Variants in VPS13B observed in about 807,000 individuals in gnomAD.
VPS13B encodes the protein vacuolar protein sorting 13 homolog B, also known as intermembrane lipid transfer protein VPS13B.
In VPS13B, 285 loss-of-function variants were observed where a neutral mutation model predicts 426.4. The observed-to-expected ratio is 0.67, with a 90% CI of 0.61 to 0.74. VPS13B has a LOEUF of 0.74. Among genes scored for constraint, VPS13B ranks in the 30% least tolerant of loss-of-function variants. The pLI is 0.00. For synonymous variants in VPS13B, 1,676 were observed against 1,676.4 expected, an observed-to-expected ratio of 1.00 and a Z score of 0.01; for missense variants, 4,537 against 4,782.6, an observed-to-expected ratio of 0.95 and a Z score of 1.51.
Position 99,680,856 on chromosome 8 carries a change from T to C in VPS13B, c.6047-18669T>C, listed in dbSNP as rs1038949256. Among the ~76,000 whole-genome samples the C allele has an allele frequency of 7.9e-5, 12 of 152,258 alleles. 2 individuals carry two copies. Among genetic ancestry groups the C allele is most frequent in the Admixed American group, 6.5e-4 (10 of 15,292 alleles). Reference sequence around the variant, plus strand: ...CCTGTAAAACATTATTCTTTATAGCTCCCCCTGTGTCTCTGTTGAATAAAA... The same window carrying C: ...CCTGTAAAACATTATTCTTTATAGCCCCCCCTGTGTCTCTGTTGAATAAAA... On this transcript the variant is annotated intron_variant, in intron 35 of 61. Transcript: ENST00000357162.
At chr8:99,216,126 T>G (rs531934713) in intron 17 of VPS13B, among the ~76,000 whole-genome samples, 55 of 152,310 alleles carry the variant, frequency 3.6e-4, no homozygotes, top group African/African-American at 1.3e-3. Flanking sequence ...GCTAAGATTT[T>G]TTTCAAGTCT....
At chr8:99,202,193 G>T (rs568080990) in intron 17 of VPS13B, among the ~76,000 whole-genome samples, 1 of 152,280 alleles carries the variant, frequency 6.6e-6, no homozygotes, top group Non-Finnish European at 1.5e-5. Flanking sequence ...AATTCAAAGA[G>T]TAAGCCAAGA....
At chr8:99,236,222 G>T (rs1242691527) in intron 17 of VPS13B, among the ~76,000 whole-genome samples, 4 of 151,544 alleles carry the variant, frequency 2.6e-5, no homozygotes, top group African/African-American at 9.7e-5. Flanking sequence ...AATGATAGGT[G>T]TAACATCTAG....
At chr8:99,416,610 T>A (rs989012192) in intron 21 of VPS13B, among the ~76,000 whole-genome samples, 5 of 152,192 alleles carry the variant, frequency 3.3e-5, no homozygotes, top group African/African-American at 1.2e-4. Flanking sequence ...GCATAGTATC[T>A]GGGTCAGAGT....
At chr8:99,052,040 T>C (rs979450479) in intron 3 of VPS13B, among the ~76,000 whole-genome samples, 9 of 151,520 alleles carry the variant, frequency 5.9e-5, no homozygotes, top group African/African-American at 2.2e-4. Context: ...CCTGCCTGAT[T>C]GCCCTGGCCA....
At chr8:99,296,726 G>C (rs538508086) in intron 19 of VPS13B, among the ~76,000 whole-genome samples, 4 of 152,096 alleles carry the variant, frequency 2.6e-5, no homozygotes, top group African/African-American at 9.7e-5. Flanking sequence ...AATGGAATTA[G>C]TGACCTTATA....
chr8:99,577,371 A>G (rs1825826131), intron 32 of VPS13B, 119 bp from the exon 33 acceptor site: 8 of 1,390,068 alleles, frequency 5.8e-6, no homozygotes, highest in Non-Finnish European at 8.1e-6. Context: ...TCCTTAATGT[A>G]TGAACTTGAG....
At chr8:99,429,171 C>T (rs1011664602) in intron 21 of VPS13B, among the ~76,000 whole-genome samples, 1 of 151,756 alleles carries the variant, frequency 6.6e-6, no homozygotes, top group African/African-American at 2.4e-5. Context: ...TGGAGATATA[C>T]CTAATGTTAA....
At chr8:99,404,970 T>A (rs1181126948) in intron 21 of VPS13B, among the ~76,000 whole-genome samples, 2 of 152,246 alleles carry the variant, frequency 1.3e-5, no homozygotes, top group Non-Finnish European at 2.9e-5. Context: ...ACTTCAAGCA[T>A]GGTGAAGCTT....
chr8:99,741,384 A>G (rs1809715578), intron 39 of VPS13B, among the ~76,000 whole-genome samples: 1 of 152,216 alleles, frequency 6.6e-6, no homozygotes, highest in Non-Finnish European at 1.5e-5. Flanking sequence ...GGGAGACTTT[A>G]ACACCCCACT....
At chr8:99,106,082 TA>T (rs977925511) in intron 5 of VPS13B, among the ~76,000 whole-genome samples, 9 of 152,218 alleles carry the variant, frequency 5.9e-5, no homozygotes, top group Middle Eastern at 3.4e-3. Flanking sequence ...AGTTTTTTTT[TA>T]AATAATTTTT....
intron 30 of VPS13B, among the ~76,000 whole-genome samples, chr8:99,541,084 CT>C (rs759173521): frequency 8.6e-5 from 13 of 152,020 alleles, no homozygotes; most frequent in Non-Finnish European, 1.5e-4. Context: ...TAGAAAATCT[CT>C]AGGGGTAATA....
rs150531896 is a variant in VPS13B at position 99,290,678 on chromosome 8, A to C, written c.2824+15424A>C. On this transcript the variant is annotated intron_variant, in intron 19 of 61. Coordinates refer to ENST00000357162, the MANE Select transcript of VPS13B (RefSeq NM_152564.5). ...ATAATAAAAAAAAAAAAGAAAAAAAAGGTAGTTCAAGGAATGCCACAAAAC... is the reference window on the plus strand; with the variant it reads ...ATAATAAAAAAAAAAAAGAAAAAAACGGTAGTTCAAGGAATGCCACAAAAC... Among the ~76,000 whole-genome samples the C allele has an allele frequency of 9.9e-3, 1,500 of 152,022 alleles. 28 individuals carry two copies. Among genetic ancestry groups the C allele is most frequent in the African/African-American group, 0.034 (1,419 of 41,500 alleles).
intron 39 of VPS13B, among the ~76,000 whole-genome samples, chr8:99,733,854 A>T (rs1036347882): frequency 1.3e-5 from 2 of 152,208 alleles, no homozygotes; most frequent in African/African-American, 4.8e-5. Flanking sequence ...CAACCTTTTT[A>T]GCAGCTTTAT....
chr8:99,583,040 G>A (rs1435393114), intron 33 of VPS13B, among the ~76,000 whole-genome samples: 1 of 152,102 alleles, frequency 6.6e-6, no homozygotes, highest in Non-Finnish European at 1.5e-5. Context: ...CCCATCAGTG[G>A]CTCTACCATA....
At chr8:99,079,479 T>C (rs1845327214) in intron 3 of VPS13B, among the ~76,000 whole-genome samples, 1 of 152,180 alleles carries the variant, frequency 6.6e-6, no homozygotes, top group African/African-American at 2.4e-5. Context: ...TGGCATGCTA[T>C]CCATGTTGAT....
intron 19 of VPS13B, among the ~76,000 whole-genome samples, chr8:99,303,396 A>G (rs1166796576): frequency 1.3e-5 from 2 of 151,284 alleles, no homozygotes; most frequent in South Asian, 2.1e-4. Flanking sequence ...AGAGTGCTTT[A>G]TCTTTGTAAC....
At position 99,574,513 on chromosome 8, in the gene VPS13B, G is replaced by A. The variant is rs140636744; in HGVS notation, c.4950-1145G>A. 7.1e-3 allele frequency among the ~76,000 whole-genome samples: 1,081 copies of A among 152,240 alleles called. 12 individuals carry two copies. The highest frequency in any genetic ancestry group is 0.024 in the African/African-American group (1,016 of 41,534). On this transcript the variant is annotated intron_variant, in intron 31 of 61. Transcript: ENST00000357162. ...TTATTGAGAGTTTTTAGCATGAAGC[G>A]TTGTTGAATTTTGTCAAAGGCCTTT...
chr8:99,550,423 C>A (rs1470820145), intron 30 of VPS13B, among the ~76,000 whole-genome samples: 1 of 150,424 alleles, frequency 6.6e-6, no homozygotes, highest in Admixed American at 6.6e-5. Flanking sequence ...CACAGTAAGC[C>A]GTAAAATCTT....
Sources: gnomAD v4.1 joint callset for allele counts (sites outside exome capture counted in the v4.1 genomes callset) on GRCh38, gnomAD v4.1.1 for gene constraint, MANE v1.5 for transcripts, NCBI Gene and HGNC (gene_info 2026-07-23, HGNC 2026-07-21) for gene names.